The following RIT2 variants were observed in gnomAD, a reference collection of about 807,000 sequenced individuals.
RIT2 encodes GTP-binding protein Rit2.
Under a neutral mutation model 23.7 loss-of-function variants are expected in RIT2, and 24 were observed. The observed-to-expected ratio is 1.01, with a 90% confidence interval of 0.73 to 1.43. The LOEUF (loss-of-function observed/expected upper bound fraction) is 1.43. Among genes scored for constraint, RIT2 ranks in the 40% most tolerant of loss-of-function variants. RIT2 has a pLI of 0.00. For missense variants in RIT2, 236 were observed against 266.9 expected (o/e 0.88, Z 0.81); for synonymous variants, 107 against 91.1 (o/e 1.17, Z -0.99).
intron 4 of RIT2, among the ~76,000 whole-genome samples, chr18:42,800,862 T>A (rs1598659373): frequency 6.6e-6 from 1 of 152,118 alleles, no homozygotes; most frequent in African/African-American, 2.4e-5. Flanking sequence ...AACTCTCTTA[T>A]GTTTTCCCGT....
At chr18:43,040,012 G>A (rs1377674120) in intron 1 of RIT2, among the ~76,000 whole-genome samples, 1 of 152,116 alleles carries the variant, frequency 6.6e-6, no homozygotes, top group African/African-American at 2.4e-5. Flanking sequence ...TAAAAAGGCC[G>A]AGAGAAAAGT....
intron 4 of RIT2, among the ~76,000 whole-genome samples, chr18:42,821,065 C>T (rs1906134769): frequency 6.6e-6 from 1 of 152,056 alleles, no homozygotes; most frequent in Admixed American, 6.6e-5. Context: ...TTCCTGAGGC[C>T]CTCACCAGGA....
At chr18:42,997,421 A>G (rs1372866343) in intron 2 of RIT2, among the ~76,000 whole-genome samples, 1 of 152,132 alleles carries the variant, frequency 6.6e-6, no homozygotes, top group Admixed American at 6.6e-5. Context: ...AAGAAAAGAA[A>G]AAAAACAAAA....
At chr18:43,004,171 G>T (rs897027089) in intron 2 of RIT2, among the ~76,000 whole-genome samples, 1 of 151,762 alleles carries the variant, frequency 6.6e-6, no homozygotes, top group African/African-American at 2.4e-5. Flanking sequence ...TCATATTACT[G>T]TATTTAAATC....
intron 4 of RIT2, among the ~76,000 whole-genome samples, chr18:42,787,230 T>C (rs1211066105): frequency 6.8e-6 from 1 of 148,076 alleles, no homozygotes; most frequent in Admixed American, 6.9e-5. Flanking sequence ...ACATGCGGTG[T>C]TTGGTTTTTT....
chr18:42,973,330 C>A (rs1415189392), intron 3 of RIT2, among the ~76,000 whole-genome samples: 1 of 151,660 alleles, frequency 6.6e-6, no homozygotes, highest in Non-Finnish European at 1.5e-5. Context: ...ATTGTATTAA[C>A]AACTTTTTTT....
intron 1 of RIT2, among the ~76,000 whole-genome samples, chr18:43,071,166 CT>C (rs1283775775): frequency 6.6e-6 from 1 of 152,062 alleles, no homozygotes; most frequent in Non-Finnish European, 1.5e-5. Flanking sequence ...GCGAGGTTTG[CT>C]TTAGTGGTTC....
intron 4 of RIT2, among the ~76,000 whole-genome samples, chr18:42,830,735 T>C (rs1458634253): frequency 6.6e-6 from 1 of 152,130 alleles, no homozygotes; most frequent in Non-Finnish European, 1.5e-5. Flanking sequence ...ATAAAAACAA[T>C]AGATGCTATA....
rs1911909289 is a variant in RIT2 at position 43,033,681 on chromosome 18, G to GATT, written c.160+127_160+129dup. On this transcript the variant is annotated intron_variant, in intron 2 of 4. Transcript: ENST00000326695. The stretch of plus-strand genomic sequence containing the variant: ...CTGTTGTGGTACGTTACATATGATA[G>GATT]ATTTGTGTGTATGTGTTCTGGGTCA... 2.5e-5 allele frequency: 17 copies of GATT among 672,038 alleles called. No homozygotes were observed. The South Asian group carries it at 3.0e-4, about 12-fold the overall frequency. The allele number at this position is 672,038 out of a possible 1,614,324, so 41.6% of individuals were successfully genotyped here. A position where few individuals can be genotyped will look rare whatever the true frequency, so the allele number is the denominator to read the frequency against.
intron 4 of RIT2, among the ~76,000 whole-genome samples, chr18:42,862,378 A>G (rs1016366626): frequency 2.0e-5 from 3 of 152,052 alleles, no homozygotes; most frequent in Admixed American, 6.6e-5. Context: ...AGTCAATTAA[A>G]CCTTTTTCAT....
In RIT2 at chr18:42,809,830, T is replaced by C. The variant is rs148387067; in HGVS notation, c.427-66110A>G. Among the ~76,000 whole-genome samples the C allele has an allele frequency of 6.1e-3, 709 of 116,268 alleles. 7 individuals are homozygous for C. The highest frequency in any genetic ancestry group is 0.029 in the African/African-American group (661 of 22,958). The allele number at this position is 116,268 out of a possible 152,430, so 76.3% of individuals were successfully genotyped here. A position where few individuals can be genotyped will look rare whatever the true frequency, so the allele number is the denominator to read the frequency against. On this transcript the variant is annotated intron_variant, in intron 4 of 4. Transcript: ENST00000326695. ...CTTTATAACTTATATATATAATATA[T>C]ATATAATTTGTATATATGTTATATA...
chr18:42,878,563 CTCTG>C (rs1907803981), intron 4 of RIT2, among the ~76,000 whole-genome samples: 1 of 94,926 alleles, frequency 1.1e-5, no homozygotes, highest in African/African-American at 6.7e-5. Flanking sequence ...CAAGATTCAA[CTCTG>C]TGTGTGTGTG....
At chr18:42,842,928 G>A (rs1443538246) in intron 4 of RIT2, among the ~76,000 whole-genome samples, 2 of 152,124 alleles carry the variant, frequency 1.3e-5, no homozygotes, top group African/African-American at 4.8e-5. Flanking sequence ...ATAGAGAGCT[G>A]AGGCCCAAAA....
chr18:42,897,663 C>A (rs952347364), intron 4 of RIT2, among the ~76,000 whole-genome samples: 3 of 151,916 alleles, frequency 2.0e-5, no homozygotes, highest in Non-Finnish European at 4.4e-5. Flanking sequence ...ATGTATAAAA[C>A]ACCTAGTTAG....
chr18:43,033,739 T>C (rs1319141743), intron 2 of RIT2, 72 bp downstream of exon 2: 3 of 979,400 alleles, frequency 3.1e-6, no homozygotes, highest in Non-Finnish European at 4.9e-6. Context: ...CCATCAACAT[T>C]GCTATTATTT....
chr18:42,891,157 A>T (rs1908162312), intron 4 of RIT2, among the ~76,000 whole-genome samples: 5 of 152,174 alleles, frequency 3.3e-5, no homozygotes, highest in Admixed American at 3.3e-4. Context: ...AACAGAGTAG[A>T]GATGCAACCC....
intron 1 of RIT2, among the ~76,000 whole-genome samples, chr18:43,111,736 C>T (rs1274757054): frequency 1.3e-5 from 2 of 152,018 alleles, no homozygotes; most frequent in Admixed American, 1.3e-4. Context: ...ATATCTGTTA[C>T]TTTGTATGGT....
chr18:42,854,433 C>T (rs1907131967), intron 4 of RIT2, among the ~76,000 whole-genome samples: 3 of 152,080 alleles, frequency 2.0e-5, no homozygotes, highest in Admixed American at 1.3e-4. Context: ...AGGCAAAATT[C>T]CACCTCACTT....
chr18:43,018,615 G>C (rs1911527589), intron 2 of RIT2, among the ~76,000 whole-genome samples: 1 of 151,806 alleles, frequency 6.6e-6, no homozygotes, highest in African/African-American at 2.4e-5. Flanking sequence ...AGAATGAAAA[G>C]ACATATTTAA....
Sources: allele counts gnomAD v4.1 joint callset (sites outside exome capture counted in the v4.1 genomes callset), GRCh38; gene constraint gnomAD v4.1.1; transcripts MANE v1.5; gene names NCBI Gene and HGNC (gene_info 2026-07-23, HGNC 2026-07-21).